The following SKA3 variants were observed in gnomAD, a reference collection of about 807,000 sequenced individuals.
The protein encoded by SKA3 is spindle and kinetochore associated complex subunit 3.
SKA3 carries 39 observed loss-of-function variants against 44.2 expected under a neutral mutation model. That is an observed-to-expected ratio of 0.88 (90% CI 0.68 to 1.15). The LOEUF is 1.15. Ranked by LOEUF, SKA3 falls within the 50% of genes most tolerant of loss-of-function variation. The probability of loss-of-function intolerance (pLI) is 0.00; values close to 1 mark genes in which losing one functional copy is unlikely to be tolerated. For missense variants in SKA3, 511 were observed against 485.8 expected (o/e 1.05, Z -0.49); for synonymous variants, 192 against 172.0 (o/e 1.12, Z -0.91).
chr13:21,174,310 T>G (rs1283216534), intron 1 of SKA3, among the ~76,000 whole-genome samples: 1 of 152,164 alleles, frequency 6.6e-6, no homozygotes, highest in Non-Finnish European at 1.5e-5. Flanking sequence ...TGCCGCACTA[T>G]TCACAATAGC....
intron 3 of SKA3, 37 bp downstream of exon 3, chr13:21,172,302 T>C (rs763434873): frequency 3.7e-6 from 4 of 1,082,904 alleles, no homozygotes; most frequent in Non-Finnish European, 4.9e-6. Context: ...GTTTCTTCAA[T>C]ACTAAAACAA....
chr13:21,159,972 T>G lies in SKA3; in HGVS notation c.845A>C (p.Asn282Thr), dbSNP rs769671144. ...QLEKSDAEYT[N>T]SPLVPTFCTP... ...ACAGAATGTAGGTACCAAAGGAGAG[T>G]TGGTATATTCGGCATCTAAAAGACA... Residue 282 changes from asparagine to threonine, a missense_variant, in exon 6 of 9, where the codon AAC becomes ACC. Physicochemically the swap from Asn to Thr is moderately conservative, Grantham distance 65. Coordinates refer to ENST00000314759, the MANE Select transcript of SKA3 (RefSeq NM_145061.6). 1.2e-6 allele frequency: 2 copies of G among 1,604,456 alleles called. No homozygotes were observed. The highest frequency in any genetic ancestry group is 1.7e-6 in the Non-Finnish European group (2 of 1,176,130).
chr13:21,169,874 G>A (rs909394763), intron 3 of SKA3, among the ~76,000 whole-genome samples: 5 of 152,174 alleles, frequency 3.3e-5, no homozygotes, highest in Non-Finnish European at 7.3e-5. Context: ...CTGGGCTCAA[G>A]TGATCCACCT....
chr13:21,164,357 C>A (rs1870593477), intron 4 of SKA3, among the ~76,000 whole-genome samples: 1 of 152,096 alleles, frequency 6.6e-6, no homozygotes, highest in Non-Finnish European at 1.5e-5. Flanking sequence ...TTGGTTCTTT[C>A]CAATTCTCCC....
chr13:21,176,421 G>A lies in SKA3; in HGVS notation c.57C>T (p.Asp19=), dbSNP rs759789752. The A allele has an allele frequency of 1.9e-6, 3 of 1,586,130 alleles. No homozygotes were observed. Among genetic ancestry groups the A allele is most frequent in the Non-Finnish European group, 1.7e-6 (2 of 1,167,448 alleles). Residue 19 remains aspartate (D), a synonymous_variant, in exon 1 of 9, where the codon GAC becomes GAT. Coordinates refer to ENST00000314759, the MANE Select transcript of SKA3 (RefSeq NM_145061.6). The part of the protein sequence containing the change: ...GKLRSLASTL[D]CETARLQRAL... ...CTCGCTGCAGCCGGGCCGTCTCGCAGTCCAGCGTGCTGGCCAGAGACCGCA... is the reference window on the plus strand; with the variant it reads ...CTCGCTGCAGCCGGGCCGTCTCGCAATCCAGCGTGCTGGCCAGAGACCGCA...
At chr13:21,158,243 T>C in intron 6 of SKA3, 118 bp from the exon 7 acceptor site, 2 of 553,238 alleles carry the variant, frequency 3.6e-6, no homozygotes, top group South Asian at 3.0e-5. Flanking sequence ...ATGCCCCATC[T>C]TCTCTGACCA....
intron 3 of SKA3, 179 bp downstream of exon 3, chr13:21,172,160 C>A: frequency 2.4e-6 from 1 of 420,520 alleles, no homozygotes. Context: ...ATATTACACC[C>A]CTGATTAGCA....
Position 21,154,223 on chromosome 13 carries a change from A to G in SKA3, c.*927T>C, listed in dbSNP as rs1452580769. The G allele has an allele frequency of 1.3e-5, 2 of 152,244 alleles. No homozygotes were observed. The highest frequency in any genetic ancestry group is 2.9e-5 in the Non-Finnish European group (2 of 68,052). The allele number at this position is 152,244 out of a possible 1,614,324, so 9.4% of individuals were successfully genotyped here. A position where few individuals can be genotyped will look rare whatever the true frequency, so the allele number is the denominator to read the frequency against. ...TTTTCTCATTGGCTGTAATTTGACA[A>G]GTTCTCCAAAAGCACTATCATGAAC... is the stretch of plus-strand genomic sequence containing the variant. On this transcript the variant is annotated 3_prime_UTR_variant, in exon 9 of 9. Transcript: ENST00000314759.
chr13:21,159,751 T>C (rs952724296), intron 6 of SKA3, 151 bp downstream of exon 6: 27 of 517,098 alleles, frequency 5.2e-5, no homozygotes, highest in Non-Finnish European at 6.7e-6. Context: ...TGATTTATGC[T>C]GCCAAGCTAC....
chr13:21,173,429 T>A (rs959033404), intron 1 of SKA3, among the ~76,000 whole-genome samples: 2 of 152,218 alleles, frequency 1.3e-5, no homozygotes, highest in African/African-American at 4.8e-5. Flanking sequence ...GCTAGTTTTA[T>A]ATTTTTAATA....
chr13:21,158,413 G>T (rs1195626405), intron 6 of SKA3, among the ~76,000 whole-genome samples: 2 of 151,962 alleles, frequency 1.3e-5, no homozygotes, highest in Non-Finnish European at 2.9e-5. Flanking sequence ...ATGAGGTCAG[G>T]AGTTTGAGAC....
intron 1 of SKA3, 99 bp from the exon 2 acceptor site, chr13:21,172,780 G>A: frequency 1.5e-6 from 1 of 668,348 alleles, no homozygotes; most frequent in South Asian, 2.2e-5. Context: ...AATGACATTG[G>A]TCAATCACAG....
chr13:21,162,967 G>A (rs1011342015), intron 4 of SKA3, among the ~76,000 whole-genome samples: 2 of 152,126 alleles, frequency 1.3e-5, no homozygotes, highest in Admixed American at 6.6e-5. Flanking sequence ...AGAACCACTC[G>A]AACCCAGTTC....
At chr13:21,155,952 C>T in intron 7 of SKA3, 141 bp from the exon 8 acceptor site, 1 of 579,110 alleles carries the variant, frequency 1.7e-6, no homozygotes, top group Non-Finnish European at 3.1e-6. Flanking sequence ...CTTTGGGAGG[C>T]CAAGGCAGGT....
In SKA3 at chr13:21,154,983, G is replaced by A; in HGVS notation, c.*167C>T. 8.6e-7 allele frequency: 1 copy of A among 1,165,330 alleles called. No individual in the cohort carries two copies. Among genetic ancestry groups the A allele is most frequent in the Non-Finnish European group, 1.2e-6 (1 of 809,462 alleles). The allele number at this position is 1,165,330 out of a possible 1,614,324, so 72.2% of individuals were successfully genotyped here. ...AACAAGACTAAGGTTAAACCTTATT[G>A]AAACTTCATAAAAAGCATATTATGA... On this transcript the variant is annotated 3_prime_UTR_variant, in exon 9 of 9. Transcript: ENST00000314759.
intron 7 of SKA3, among the ~76,000 whole-genome samples, chr13:21,156,537 AT>A (rs1870128585): frequency 6.6e-6 from 1 of 152,232 alleles, no homozygotes; most frequent in Non-Finnish European, 1.5e-5. Context: ...TGAAGCAACC[AT>A]AGGGAAGTGG....
At position 21,155,050 on chromosome 13, in the gene SKA3, A is replaced by G; in HGVS notation, c.*100T>C. The G allele has an allele frequency of 6.3e-7, 1 of 1,578,270 alleles. No homozygotes were observed. The stretch of plus-strand genomic sequence containing the variant: ...TGTCTTTAAAATGGGTCAACGTTTA[A>G]AGGGGGACAGAGGCAGGGCAATGTG... On this transcript the variant is annotated 3_prime_UTR_variant, in exon 9 of 9. Transcript: ENST00000314759.
Position 21,168,346 on chromosome 13 carries a change from A to C in SKA3, c.385T>G (p.Phe129Val), listed in dbSNP as rs765859665. The change falls in exon 4 of 9, where the codon TTT becomes GTT. Residue 129 changes from phenylalanine to valine, a missense_variant. Phe to Val is a conservative substitution (Grantham distance 50, BLOSUM62 -1). Coordinates refer to ENST00000314759, the MANE Select transcript of SKA3 (RefSeq NM_145061.6). ...TCATCTTTCACATCAGTCTTCTGAA[A>C]ATTTTCACAATTAGACAACTCTGGG... Reference protein sequence around the residue: ...SDPELSNCENFQKTDVKDDLS... With the variant: ...SDPELSNCENVQKTDVKDDLS... 6.2e-7 allele frequency: 1 copy of C among 1,614,012 alleles called. No homozygotes were observed. The highest frequency in any genetic ancestry group is 8.5e-7 in the Non-Finnish European group (1 of 1,179,984).
At chr13:21,167,519 C>A (rs1020892662) in intron 4 of SKA3, among the ~76,000 whole-genome samples, 2 of 152,146 alleles carry the variant, frequency 1.3e-5, no homozygotes, top group Non-Finnish European at 2.9e-5. Context: ...GTAATCCCAG[C>A]ACTTTGGGAG....
Sources: gnomAD v4.1 joint callset for allele counts (sites outside exome capture counted in the v4.1 genomes callset) on GRCh38, gnomAD v4.1.1 for gene constraint, MANE v1.5 for transcripts, NCBI Gene and HGNC (gene_info 2026-07-23, HGNC 2026-07-21) for gene names.